Variants in MRPL35 observed in about 807,000 individuals in gnomAD.
MRPL35 encodes mitochondrial ribosomal protein L35.
A neutral mutation model predicts 21.6 loss-of-function variants in MRPL35; 18 were observed. The observed-to-expected ratio is 0.83, with a 90% CI of 0.58 to 1.24. The LOEUF (loss-of-function observed/expected upper bound fraction) is 1.24. MRPL35 is among the 50% of genes most tolerant of loss of function. The pLI, the probability that MRPL35 is intolerant of heterozygous loss-of-function variation, is 0.00. For synonymous variants in MRPL35, 87 were observed against 86.9 expected (o/e 1.00, Z -0.01); for missense variants, 223 against 223.2 (o/e 1.00, Z 0.01).
At chr2:86,201,348 G>A in intron 1 of MRPL35, among the ~76,000 whole-genome samples, 1 of 152,122 alleles carries the variant, frequency 6.6e-6, no homozygotes, top group South Asian at 2.1e-4. Flanking sequence ...TTTCCTTTAT[G>A]AAATATCCAC....
intron 3 of MRPL35, among the ~76,000 whole-genome samples, chr2:86,208,010 C>A (rs1044095690): frequency 1.3e-5 from 2 of 152,188 alleles, no homozygotes; most frequent in African/African-American, 4.8e-5. Flanking sequence ...GAAATTAAAT[C>A]TTTAAAAATC....
rs766941385 is a variant in MRPL35, at chr2:86,207,195, G to A, written c.246G>A (p.Val82=). ...AATATATTTTTAGAATGGCCCCCGT[G>A]CTTCCAAGTGTCCTGAAGCTGCCAG... ...TSVILNRMAP[V]LPSVLKLPVR... is the part of the protein sequence containing the mutation. The change falls in exon 3 of 4, where the codon GTG becomes GTA. Residue 82 remains valine, a synonymous_variant. Transcript: ENST00000337109. 5 of 1,611,058 alleles carry A rather than the reference G, an allele frequency of 3.1e-6. No individual in the cohort carries two copies. The highest frequency in any genetic ancestry group is 3.4e-6 in the Non-Finnish European group (4 of 1,178,584).
At chr2:86,204,404 T>G (rs1467813126) in intron 1 of MRPL35, among the ~76,000 whole-genome samples, 1 of 151,692 alleles carries the variant, frequency 6.6e-6, no homozygotes, top group African/African-American at 2.4e-5. Flanking sequence ...CATTACCACA[T>G]TCCAGCTTTA....
chr2:86,210,708 T>C lies in MRPL35; in HGVS notation c.*40T>C, dbSNP rs749610589. ...TTGTTTCTCAGTTATTGGATATGTA[T>C]CTTTGTGTACATATCTTTGCAAAAA... is the stretch of plus-strand genomic sequence containing the variant. On this transcript the variant is annotated 3_prime_UTR_variant, in exon 4 of 4. Transcript: ENST00000337109. 5 of 1,576,936 alleles carry C rather than the reference T, an allele frequency of 3.2e-6. No homozygotes were observed. Among genetic ancestry groups the C allele is most frequent in the Non-Finnish European group, 4.3e-6 (5 of 1,161,646 alleles).
intron 2 of MRPL35, 44 bp from the exon 3 acceptor site, chr2:86,207,139 A>G (rs1465880578): frequency 5.3e-6 from 8 of 1,523,298 alleles, no homozygotes; most frequent in Admixed American, 2.1e-5. Flanking sequence ...TTAATCCTTT[A>G]ATCAGTCTGA....
chr2:86,211,356 T>C lies in MRPL35; in HGVS notation c.*688T>C. 1 of 969,906 alleles carries C rather than the reference T, an allele frequency of 1.0e-6. No individual in the cohort carries two copies. 60.1% of individuals were successfully genotyped at this position (969,906 alleles called of 1,614,324 possible). A position where few individuals can be genotyped will look rare whatever the true frequency, so the allele number is the denominator to read the frequency against. The stretch of plus-strand genomic sequence containing the variant: ...AATTTAACTGGGCCAGACTACCTTT[T>C]TATACTAGGTCTGGTTGGGTCATTG... On this transcript the variant is annotated 3_prime_UTR_variant, in exon 4 of 4. Transcript: ENST00000337109.
Position 86,207,228 on chromosome 2 carries a change from T to C in MRPL35, c.279T>C (p.Ser93=). The change falls in exon 3 of 4, where the codon TCT becomes TCC. Residue 93 remains serine, a synonymous_variant. Transcript: ENST00000337109. ...GTGTCCTGAAGCTGCCAGTCAGATC[T>C]CTAACATACTTCAGTGCAAGAAAAG... is the stretch of plus-strand genomic sequence containing the variant. ...LPSVLKLPVR[S]LTYFSARKGK... is the part of the protein sequence containing the mutation. 1 of 1,613,982 alleles carries C rather than the reference T, an allele frequency of 6.2e-7. No homozygotes were observed. Among genetic ancestry groups the C allele is most frequent in the African/African-American group, 1.3e-5 (1 of 75,028 alleles).
At chr2:86,206,358 A>C in intron 2 of MRPL35, 63 bp downstream of exon 2, 3 of 1,445,818 alleles carry the variant, frequency 2.1e-6, no homozygotes, top group Non-Finnish European at 2.8e-6. Flanking sequence ...TTTGAGACGG[A>C]GTCTCACTCT....
intron 1 of MRPL35, among the ~76,000 whole-genome samples, chr2:86,201,740 TC>T (rs1045284894): frequency 1.2e-4 from 19 of 152,348 alleles, no homozygotes; most frequent in Admixed American, 1.0e-3. Context: ...GGGTAGTTTT[TC>T]AAAATTCTTT....
Position 86,212,382 on chromosome 2 carries a change from T to C in MRPL35, c.*1714T>C. On this transcript the variant is annotated 3_prime_UTR_variant, in exon 4 of 4. Coordinates refer to ENST00000337109, the MANE Select transcript of MRPL35 (RefSeq NM_016622.4). ...TGAGGTAAAAGCCTGAAACATGGAA[T>C]GGCATTCTGTTTTGATGGATTTTCA... 2 of 1,613,740 alleles carry C rather than the reference T, an allele frequency of 1.2e-6. No individual in the cohort carries two copies.
chr2:86,203,717 C>T (rs1265470022), intron 1 of MRPL35, among the ~76,000 whole-genome samples: 2 of 152,174 alleles, frequency 1.3e-5, no homozygotes, highest in Non-Finnish European at 1.5e-5. Flanking sequence ...AAGCACTATA[C>T]ATGCTTCATC....
chr2:86,207,553 G>C (rs1673827185), intron 3 of MRPL35, among the ~76,000 whole-genome samples: 1 of 152,220 alleles, frequency 6.6e-6, no homozygotes, highest in African/African-American at 2.4e-5. Context: ...ATAATTGCTT[G>C]AACCCGGGAG....
intron 2 of MRPL35, among the ~76,000 whole-genome samples, chr2:86,206,602 C>G (rs2103911790): frequency 6.6e-6 from 1 of 152,296 alleles, no homozygotes; most frequent in South Asian, 2.1e-4. Flanking sequence ...TATTCTTTGC[C>G]TACCTGCAGT....
chr2:86,201,981 T>C (rs988363174), intron 1 of MRPL35, among the ~76,000 whole-genome samples: 93 of 152,356 alleles, frequency 6.1e-4, no homozygotes, highest in African/African-American at 2.1e-3. Context: ...TGTGAAAACA[T>C]CTGTATTCTC....
Position 86,210,873 on chromosome 2 carries a change from T to C in MRPL35, c.*205T>C. The C allele has an allele frequency of 2.4e-6, 3 of 1,252,348 alleles. No homozygotes were observed. The highest frequency in any genetic ancestry group is 3.0e-6 in the Non-Finnish European group (3 of 996,850). 77.6% of individuals were successfully genotyped at this position (1,252,348 alleles called of 1,614,324 possible). The stretch of plus-strand genomic sequence containing the variant: ...TTAGGGAAACAGAAATTTAGAATGG[T>C]GCATTATTTTTAACAAATGGTATTG... On this transcript the variant is annotated 3_prime_UTR_variant, in exon 4 of 4. Transcript: ENST00000337109.
Position 86,213,785 on chromosome 2 carries a change from C to T in MRPL35, c.*3117C>T. On this transcript the variant is annotated 3_prime_UTR_variant, in exon 4 of 4. Coordinates refer to ENST00000337109, the MANE Select transcript of MRPL35 (RefSeq NM_016622.4). ...TTTAAATGTGAAATAAACAGTGATACTTTCAGGTTTGTAGTTGTGTGATGA... is the reference window on the plus strand; with the variant it reads ...TTTAAATGTGAAATAAACAGTGATATTTTCAGGTTTGTAGTTGTGTGATGA... 1.7e-6 allele frequency: 2 copies of T among 1,157,442 alleles called. No homozygotes were observed. The highest frequency in any genetic ancestry group is 2.5e-6 in the Non-Finnish European group (2 of 816,182). The allele number at this position is 1,157,442 out of a possible 1,614,324, so 71.7% of individuals were successfully genotyped here. A position where few individuals can be genotyped will look rare whatever the true frequency, so the allele number is the denominator to read the frequency against.
At chr2:86,209,900 C>T (rs569139682) in intron 3 of MRPL35, among the ~76,000 whole-genome samples, 28 of 152,170 alleles carry the variant, frequency 1.8e-4, no homozygotes, top group Non-Finnish European at 2.4e-4. Context: ...CCCAGCTATA[C>T]GAGAGGCTGA....
chr2:86,200,910 C>T (rs1300233295), intron 1 of MRPL35, among the ~76,000 whole-genome samples: 1 of 152,154 alleles, frequency 6.6e-6, no homozygotes, highest in Admixed American at 6.5e-5. Flanking sequence ...AGGTGATCCG[C>T]CCGCCTCGAC....
chr2:86,213,076 C>A lies in MRPL35; in HGVS notation c.*2408C>A. On this transcript the variant is annotated 3_prime_UTR_variant, in exon 4 of 4. Transcript: ENST00000337109. Reference sequence around the variant, plus strand: ...AGCTGAGAGAGGGTTAAGTAAATTACCCAAAGTACAGCTAATAAGACCCAG... The same window carrying A: ...AGCTGAGAGAGGGTTAAGTAAATTAACCAAAGTACAGCTAATAAGACCCAG... The A allele has an allele frequency of 1.0e-6, 1 of 977,124 alleles. No homozygotes were observed. Among genetic ancestry groups the A allele is most frequent in the Non-Finnish European group, 1.2e-6 (1 of 822,382 alleles). 60.5% of individuals were successfully genotyped at this position (977,124 alleles called of 1,614,324 possible).
Sources: allele counts gnomAD v4.1 joint callset (sites outside exome capture counted in the v4.1 genomes callset), GRCh38; gene constraint gnomAD v4.1.1; transcripts MANE v1.5; gene names NCBI Gene and HGNC (gene_info 2026-07-23, HGNC 2026-07-21).